KLHL5: variants seen among roughly 807,000 people sequenced by gnomAD.
The protein encoded by KLHL5 is kelch-like protein 5.
A neutral mutation model predicts 77.7 loss-of-function variants in KLHL5; 48 were observed. That is an observed-to-expected ratio of 0.62 (90% confidence interval 0.49 to 0.79). KLHL5 has a LOEUF of 0.79. Among genes scored for constraint, KLHL5 ranks in the 30% least tolerant of loss-of-function variants. The pLI is 0.00. For synonymous variants in KLHL5, 260 were observed against 297.0 expected (o/e 0.88, Z 1.28); for missense variants, 723 against 859.7 (o/e 0.84, Z 1.99).
intron 5 of KLHL5, among the ~76,000 whole-genome samples, chr4:39,089,771 T>A (rs568113605): frequency 4.6e-5 from 7 of 152,300 alleles, no homozygotes; most frequent in African/African-American, 1.7e-4. Flanking sequence ...ACCCCACACC[T>A]ACTGAATATG....
intron 2 of KLHL5, among the ~76,000 whole-genome samples, chr4:39,080,244 C>G (rs776040092): frequency 6.6e-6 from 1 of 152,066 alleles, no homozygotes; most frequent in African/African-American, 2.4e-5. Flanking sequence ...TTCAAAAATA[C>G]GGCCAGGTGC....
chr4:39,131,537 ATGTTATCT>A (rs1723801598), downstream of KLHL5, among the ~76,000 whole-genome samples: 1 of 152,184 alleles, frequency 6.6e-6, no homozygotes, highest in South Asian at 2.1e-4. Flanking sequence ...AACATAAAAT[ATGTTATCT>A]TTAAAGCATT....
At chr4:39,101,136 A>ATATATATATC in intron 6 of KLHL5, among the ~76,000 whole-genome samples, 1 of 147,850 alleles carries the variant, frequency 6.8e-6, no homozygotes, top group East Asian at 1.9e-4. Context: ...TTATATATAT[A>ATATATATATC]TATATATATA....
intron 5 of KLHL5, among the ~76,000 whole-genome samples, chr4:39,089,022 A>G (rs937642829): frequency 6.6e-6 from 1 of 152,186 alleles, no homozygotes; most frequent in Non-Finnish European, 1.5e-5. Context: ...GGATATTTTA[A>G]TAGGAATTTT....
upstream of KLHL5, among the ~76,000 whole-genome samples, chr4:39,060,432 C>T (rs890347631): frequency 7.6e-6 from 1 of 130,966 alleles, no homozygotes; most frequent in Admixed American, 8.4e-5. Flanking sequence ...ATTCCAACAA[C>T]TAAAAATCTA....
chr4:39,134,828 A>T, the KLHL5 span, among the ~76,000 whole-genome samples: 1 of 152,218 alleles, frequency 6.6e-6, no homozygotes, highest in East Asian at 1.9e-4. Flanking sequence ...GAGAGCAGGG[A>T]TGCTGAGTGG....
At chr4:39,056,755 C>G (rs1717036055) in intron 1 of KLHL5, among the ~76,000 whole-genome samples, 1 of 152,150 alleles carries the variant, frequency 6.6e-6, no homozygotes, top group Non-Finnish European at 1.5e-5. Context: ...TCACTCAATC[C>G]TCCTGAAACA....
upstream of KLHL5, among the ~76,000 whole-genome samples, chr4:39,061,671 C>A (rs1268530754): frequency 1.3e-5 from 2 of 152,194 alleles, no homozygotes; most frequent in African/African-American, 4.8e-5. Flanking sequence ...CACTTGTACA[C>A]CCAATAGTCC....
At chr4:39,048,375 C>T (rs1263360783) in intron 1 of KLHL5, among the ~76,000 whole-genome samples, 1 of 152,204 alleles carries the variant, frequency 6.6e-6, no homozygotes, top group African/African-American at 2.4e-5. Context: ...AGGGCCAGAG[C>T]TGTTCATTGC....
intron 8 of KLHL5, among the ~76,000 whole-genome samples, chr4:39,109,680 T>C (rs887004347): frequency 1.3e-5 from 2 of 148,822 alleles, no homozygotes; most frequent in African/African-American, 2.5e-5. Context: ...GTGGACAGAC[T>C]CTTGCTCTAT....
Position 39,126,089 on chromosome 4 carries a change from C to G in KLHL5, c.*5023C>G, listed in dbSNP as rs545377188. On this transcript the variant is annotated 3_prime_UTR_variant, in exon 11 of 11. Coordinates refer to ENST00000504108, the MANE Select transcript of KLHL5 (RefSeq NM_015990.5). ...GGAGAGTTAACGGGGAACTTCCCCACCGTCCGGTACATGGCAGGCATTCCA... is the reference window on the plus strand; with the variant it reads ...GGAGAGTTAACGGGGAACTTCCCCAGCGTCCGGTACATGGCAGGCATTCCA... 6.6e-6 allele frequency among the ~76,000 whole-genome samples: 1 copy of G among 152,162 alleles called. No homozygotes were observed. The highest frequency in any genetic ancestry group is 1.5e-5 in the Non-Finnish European group (1 of 68,034).
rs965529657 is a variant in KLHL5 at position 39,090,957 on chromosome 4, C to T, written c.1113+4230C>T. 2.7e-5 allele frequency among the ~76,000 whole-genome samples: 4 copies of T among 150,622 alleles called. No homozygotes were observed. In the Admixed American group the frequency reaches 2.7e-4, roughly 10 times the overall value. On this transcript the variant is annotated intron_variant, in intron 5 of 10. Transcript: ENST00000504108. ...AGCTGGAACTACAGACACACACCACCAACACCACCATGCCCAGTCAGTTTT... is the reference window on the plus strand; with the variant it reads ...AGCTGGAACTACAGACACACACCACTAACACCACCATGCCCAGTCAGTTTT...
intron 6 of KLHL5, among the ~76,000 whole-genome samples, chr4:39,100,677 A>T (rs1056855044): frequency 1.7e-4 from 26 of 152,334 alleles, no homozygotes; most frequent in African/African-American, 6.0e-4. Context: ...TTCAGTGAAC[A>T]TGCCATTATT....
intron 1 of KLHL5, among the ~76,000 whole-genome samples, chr4:39,072,195 G>A (rs886653694): frequency 9.9e-5 from 15 of 152,008 alleles, no homozygotes; most frequent in Non-Finnish European, 2.1e-4. Context: ...ACAAAAGACT[G>A]TAATTACAGG....
chr4:39,082,188 G>C (rs369000025), intron 4 of KLHL5, 29 bp downstream of exon 4: 81 of 1,510,890 alleles, frequency 5.4e-5, no homozygotes, highest in Non-Finnish European at 6.3e-5. Context: ...TGAGAAAGTC[G>C]ATCCTCCATA....
At chr4:39,069,526 C>CT (rs1281245448) in intron 1 of KLHL5, among the ~76,000 whole-genome samples, 1 of 127,308 alleles carries the variant, frequency 7.9e-6, no homozygotes, top group Admixed American at 8.0e-5. Flanking sequence ...TATTTTTATA[C>CT]TTTTTTACCA....
At chr4:39,058,826 C>A (rs1043611386), upstream of KLHL5, among the ~76,000 whole-genome samples, 2 of 151,932 alleles carry the variant, frequency 1.3e-5, no homozygotes, top group African/African-American at 4.8e-5. Flanking sequence ...CTCCTAGGTA[C>A]TATTCTAAGT....
At chr4:39,101,514 T>C (rs190767710) in intron 6 of KLHL5, among the ~76,000 whole-genome samples, 2 of 152,170 alleles carry the variant, frequency 1.3e-5, no homozygotes, top group African/African-American at 4.8e-5. Context: ...TTTCAACAGC[T>C]GTACTAAGTA....
At chr4:39,057,409 T>A (rs1717077197), upstream of KLHL5, among the ~76,000 whole-genome samples, 1 of 152,206 alleles carries the variant, frequency 6.6e-6, no homozygotes, top group South Asian at 2.1e-4. Context: ...GGAGAAGCAG[T>A]ACAGAATATC....
Sources: gnomAD v4.1 joint callset for allele counts (sites outside exome capture counted in the v4.1 genomes callset) on GRCh38, gnomAD v4.1.1 for gene constraint, MANE v1.5 for transcripts, NCBI Gene and HGNC (gene_info 2026-07-23, HGNC 2026-07-21) for gene names.